Variants in XXYLT1 observed in about 807,000 individuals in gnomAD.
The protein encoded by XXYLT1 is UDP-xylose:alpha-xyloside alpha-1,3-xylosyltransferase.
XXYLT1 carries 20 observed loss-of-function variants against 28.9 expected under a neutral mutation model. The observed-to-expected ratio is 0.69, with a 90% CI of 0.49 to 1.00. XXYLT1 has a LOEUF of 1.00. Among genes scored for constraint, XXYLT1 ranks in the 50% least tolerant of loss-of-function variants. The pLI is 0.00. For synonymous variants in XXYLT1, 257 were observed against 253.8 expected, an observed-to-expected ratio of 1.01 and a Z score of -0.12; for missense variants, 542 against 560.1, an observed-to-expected ratio of 0.97 and a Z score of 0.33.
intron 2 of XXYLT1, among the ~76,000 whole-genome samples, chr3:195,159,897 G>T (rs1720784871): frequency 6.6e-6 from 1 of 152,104 alleles, no homozygotes; most frequent in Non-Finnish European, 1.5e-5. Flanking sequence ...GCAGAAACTT[G>T]GGTCGCTTCT....
chr3:195,184,844 C>A, intron 2 of XXYLT1: 1 of 982,292 alleles, frequency 1.0e-6, no homozygotes, highest in Non-Finnish European at 1.2e-6. Flanking sequence ...CATTCTCATT[C>A]ATCTTTACCA....
At position 195,112,050 on chromosome 3, in the gene XXYLT1, C is replaced by T. The variant is rs1211044043; in HGVS notation, c.786-41939G>A. Among the ~76,000 whole-genome samples, 3 of 152,136 alleles carry T rather than the reference C, an allele frequency of 2.0e-5. No homozygotes were observed. In the East Asian group the frequency reaches 5.8e-4, roughly 29 times the overall value. On this transcript the variant is annotated intron_variant, in intron 3 of 3. Coordinates refer to ENST00000310380, the MANE Select transcript of XXYLT1 (RefSeq NM_152531.5). ...TCGCTGCAGAAATGTGCAAATGAGA[C>T]GGGTGCTAATATCAATCAGTACATT... is the stretch of plus-strand genomic sequence containing the variant.
At chr3:195,165,367 GC>G (rs1329650580) in intron 2 of XXYLT1, among the ~76,000 whole-genome samples, 2 of 152,094 alleles carry the variant, frequency 1.3e-5, no homozygotes, top group Admixed American at 1.3e-4. Context: ...CCCAGAAAGG[GC>G]AAATAGGACC....
chr3:195,085,317 G>A (rs1188757556), intron 3 of XXYLT1, among the ~76,000 whole-genome samples: 1 of 152,204 alleles, frequency 6.6e-6, no homozygotes, highest in Non-Finnish European at 1.5e-5. Flanking sequence ...CAGTACCAGT[G>A]TCACAGTCCT....
At chr3:195,157,782 G>A (rs1396991441) in intron 2 of XXYLT1, among the ~76,000 whole-genome samples, 2 of 152,242 alleles carry the variant, frequency 1.3e-5, no homozygotes, top group Admixed American at 6.5e-5. Flanking sequence ...ATGAAGCAGC[G>A]AGAGCAAGTT....
intron 3 of XXYLT1, among the ~76,000 whole-genome samples, chr3:195,112,954 T>C (rs1294812430): frequency 1.3e-5 from 2 of 152,186 alleles, no homozygotes; most frequent in Non-Finnish European, 2.9e-5. Flanking sequence ...CAAGAGAACA[T>C]GGGTTTCAAA....
At chr3:195,231,508 T>C (rs1198530821) in intron 1 of XXYLT1, among the ~76,000 whole-genome samples, 1 of 152,146 alleles carries the variant, frequency 6.6e-6, no homozygotes, top group African/African-American at 2.4e-5. Context: ...TATGATTATT[T>C]GCTGTGGGCC....
chr3:195,137,771 A>G (rs1719276879), intron 3 of XXYLT1, among the ~76,000 whole-genome samples: 1 of 152,212 alleles, frequency 6.6e-6, no homozygotes, highest in African/African-American at 2.4e-5. Context: ...TCATGTGTAC[A>G]TGACATCATT....
intron 3 of XXYLT1, among the ~76,000 whole-genome samples, chr3:195,155,661 CCCACCGCCTG>C (rs1010472537): frequency 2.0e-5 from 3 of 151,648 alleles, no homozygotes; most frequent in African/African-American, 2.4e-5. Flanking sequence ...CCCCACGCCC[CCCACCGCCTG>C]CCACGCCGGC....
At chr3:195,185,508 T>G (rs1366618880) in intron 2 of XXYLT1, among the ~76,000 whole-genome samples, 1 of 151,242 alleles carries the variant, frequency 6.6e-6, no homozygotes, top group East Asian at 1.9e-4. Flanking sequence ...GCTGGGTTTT[T>G]TTTTTTTTTT....
chr3:195,101,126 G>A (rs936485272), intron 3 of XXYLT1, among the ~76,000 whole-genome samples: 1 of 152,270 alleles, frequency 6.6e-6, no homozygotes, highest in African/African-American at 2.4e-5. Flanking sequence ...CTCCCAGCAC[G>A]TGACAGTGAG....
intron 3 of XXYLT1, among the ~76,000 whole-genome samples, chr3:195,122,653 C>T (rs1490006032): frequency 6.6e-6 from 1 of 152,230 alleles, no homozygotes; most frequent in Non-Finnish European, 1.5e-5. Flanking sequence ...CTGCCAGCCC[C>T]AGCACCACAA....
intron 1 of XXYLT1, among the ~76,000 whole-genome samples, chr3:195,258,407 A>G (rs1725558524): frequency 6.6e-6 from 1 of 152,252 alleles, no homozygotes; most frequent in Non-Finnish European, 1.5e-5. Flanking sequence ...CAATCAGACC[A>G]AGAAAACAAA....
At chr3:195,155,277 T>C (rs1172295985) in intron 3 of XXYLT1, among the ~76,000 whole-genome samples, 1 of 152,202 alleles carries the variant, frequency 6.6e-6, no homozygotes, top group African/African-American at 2.4e-5. Context: ...GCCTGTACTC[T>C]GCAGCTCTCC....
intron 1 of XXYLT1, among the ~76,000 whole-genome samples, chr3:195,243,825 C>T (rs1012222729): frequency 2.6e-5 from 4 of 152,236 alleles, no homozygotes; most frequent in African/African-American, 4.8e-5. Flanking sequence ...GGGCCCCTCC[C>T]TCATGTGACG....
chr3:195,113,861 A>C (rs1717908377), intron 3 of XXYLT1, among the ~76,000 whole-genome samples: 1 of 152,188 alleles, frequency 6.6e-6, no homozygotes, highest in African/African-American at 2.4e-5. Context: ...GCCGGCGGGC[A>C]AAGAATGCTA....
At chr3:195,087,964 T>G (rs558173123) in intron 3 of XXYLT1, among the ~76,000 whole-genome samples, 1 of 152,154 alleles carries the variant, frequency 6.6e-6, no homozygotes, top group East Asian at 1.9e-4. Flanking sequence ...ACCTGAATAC[T>G]GCGCTTTTCC....
At chr3:195,239,029 C>T (rs1209777366) in intron 1 of XXYLT1, among the ~76,000 whole-genome samples, 1 of 152,318 alleles carries the variant, frequency 6.6e-6, no homozygotes, top group East Asian at 1.9e-4. Flanking sequence ...AACTGCATCC[C>T]ATCAGCATGA....
intron 1 of XXYLT1, among the ~76,000 whole-genome samples, chr3:195,265,012 A>G (rs1725799100): frequency 6.6e-6 from 1 of 152,044 alleles, no homozygotes; most frequent in African/African-American, 2.4e-5. Context: ...AGCTGTGATC[A>G]CACCACTGTG....
Sources: gnomAD v4.1 joint callset for allele counts (sites outside exome capture counted in the v4.1 genomes callset) on GRCh38, gnomAD v4.1.1 for gene constraint, MANE v1.5 for transcripts, NCBI Gene and HGNC (gene_info 2026-07-23, HGNC 2026-07-21) for gene names.